CILK1: variants seen among roughly 807,000 people sequenced by gnomAD.
CILK1 encodes ciliogenesis associated kinase 1.
In CILK1, 47 loss-of-function variants were observed where a neutral mutation model predicts 79.2. The observed-to-expected ratio is 0.59, with a 90% confidence interval of 0.47 to 0.76. CILK1 has a LOEUF of 0.76. Ranked by LOEUF, CILK1 falls within the 30% of genes least tolerant of loss-of-function variation. CILK1 has a pLI of 0.00. For missense variants in CILK1, 660 were observed against 769.5 expected (o/e 0.86, Z 1.68); for synonymous variants, 266 against 275.9 (o/e 0.96, Z 0.36).
Position 53,011,758 on chromosome 6 carries a change from A to T in CILK1, c.1492+11T>A. ...TTAATAATCAAAGTAAAGCCAAGTC[A>T]TTTATATTACCAGGCAAGTATCGAG... is the stretch of plus-strand genomic sequence containing the variant. On this transcript the variant is annotated intron_variant, in intron 11 of 13. Transcript: ENST00000676107. 6.2e-7 allele frequency: 1 copy of T among 1,613,142 alleles called. No individual in the cohort carries two copies. Among genetic ancestry groups the T allele is most frequent in the Non-Finnish European group, 8.5e-7 (1 of 1,179,052 alleles).
At chr6:53,014,971 C>T (rs74864918) in intron 8 of CILK1, among the ~76,000 whole-genome samples, 2,279 of 152,300 alleles carry the variant, frequency 0.015, 37 homozygotes, top group East Asian at 0.061. Flanking sequence ...ATTTCACCAC[C>T]AGAACTGCAT....
chr6:53,033,513 T>C (rs757794607), intron 3 of CILK1, among the ~76,000 whole-genome samples: 5 of 143,034 alleles, frequency 3.5e-5, no homozygotes, highest in Non-Finnish European at 6.0e-5. Flanking sequence ...ACAGCAGACA[T>C]ACCTAAAACT....
In CILK1 at chr6:53,053,035, T is replaced by C. The variant is rs1404193420; in HGVS notation, c.-173+8561A>G. Among the ~76,000 whole-genome samples, 4 of 132,010 alleles carry C rather than the reference T, an allele frequency of 3.0e-5. No homozygotes were observed. In the East Asian group the frequency reaches 8.7e-4, roughly 29 times the overall value. 86.6% of individuals were successfully genotyped at this position (132,010 alleles called of 152,430 possible). ...TCTGTTCCTATGCCTATAACAAAAG[T>C]GACAAAGTAAAAGCCTGAAAAAAAA... On this transcript the variant is annotated intron_variant, in intron 1 of 13. Coordinates refer to ENST00000676107, the MANE Select transcript of CILK1 (RefSeq NM_014920.5).
chr6:53,030,986 A>ATT, intron 5 of CILK1, 79 bp downstream of exon 5: 1 of 1,016,894 alleles, frequency 9.8e-7, no homozygotes, highest in Non-Finnish European at 1.6e-6. Flanking sequence ...GCTACAAAAA[A>ATT]TATTAATGTT....
rs1581926218 is a variant in CILK1, at chr6:53,002,893, A to G, written c.*2256T>C. 1 of 152,676 alleles carries G rather than the reference A, an allele frequency of 6.5e-6. No individual in the cohort carries two copies. Among genetic ancestry groups the G allele is most frequent in the African/African-American group, 2.4e-5 (1 of 41,588 alleles). 9.5% of individuals were successfully genotyped at this position (152,676 alleles called of 1,614,324 possible). A position where few individuals can be genotyped will look rare whatever the true frequency, so the allele number is the denominator to read the frequency against. ...AAAATGTAATGACCTTATATAAGCT[A>G]GATTACTGAGACTATGGTATTAAAC... On this transcript the variant is annotated 3_prime_UTR_variant, in exon 14 of 14. Transcript: ENST00000676107.
intron 13 of CILK1, among the ~76,000 whole-genome samples, chr6:53,005,884 C>G (rs1764191065): frequency 6.6e-6 from 1 of 152,198 alleles, no homozygotes; most frequent in South Asian, 2.1e-4. Context: ...CTCCCACACT[C>G]TGGCCTCCTT....
intron 6 of CILK1, 104 bp downstream of exon 6, chr6:53,019,123 C>G: frequency 1.8e-6 from 2 of 1,097,280 alleles, no homozygotes; most frequent in Non-Finnish European, 2.7e-6. Context: ...TGCACTGTTT[C>G]TCTTAGTGAA....
chr6:53,009,437 AC>A lies in CILK1; in HGVS notation c.1621+1del. The A allele has an allele frequency of 6.2e-7, 1 of 1,614,034 alleles. No homozygotes were observed. The highest frequency in any genetic ancestry group is 1.1e-5 in the South Asian group (1 of 91,080). On this transcript the variant is annotated splice_donor_variant, in intron 12 of 13. Coordinates refer to ENST00000676107, the MANE Select transcript of CILK1 (RefSeq NM_014920.5). LOFTEE classifies it high-confidence loss of function. The stretch of plus-strand genomic sequence containing the variant: ...ATTTAGGGGTTAATGATCATTACTC[AC>A]CTGAATTTACTTTGCTGATTACTGA...
chr6:53,017,857 G>C (rs1398090409), intron 7 of CILK1, among the ~76,000 whole-genome samples: 3 of 152,196 alleles, frequency 2.0e-5, no homozygotes, highest in Admixed American at 2.0e-4. Context: ...CTGGGATTAT[G>C]ATCAGACCAC....
intron 2 of CILK1, among the ~76,000 whole-genome samples, 185 bp from the exon 3 acceptor site, chr6:53,038,178 C>G (rs1293860912): frequency 6.6e-6 from 1 of 152,178 alleles, no homozygotes; most frequent in Non-Finnish European, 1.5e-5. Context: ...AATCCTAAGT[C>G]ACAAATTTTG....
chr6:53,007,273 G>A lies in CILK1; in HGVS notation c.1622-836C>T, dbSNP rs148199320. ...TTTTTCAGCAATTGTTTAAGGCAGA[G>A]TGGAAACACAGTCTAGAATGCCTGC... On this transcript the variant is annotated intron_variant, in intron 12 of 13. Coordinates refer to ENST00000676107, the MANE Select transcript of CILK1 (RefSeq NM_014920.5). Among the ~76,000 whole-genome samples the A allele has an allele frequency of 2.0e-4, 31 of 152,356 alleles. No homozygotes were observed. In the East Asian group the frequency reaches 4.6e-3, roughly 23 times the overall value.
intron 1 of CILK1, among the ~76,000 whole-genome samples, chr6:53,049,527 G>A (rs1767333602): frequency 6.6e-6 from 1 of 152,198 alleles, no homozygotes; most frequent in African/African-American, 2.4e-5. Flanking sequence ...CAACTAGCTA[G>A]CTGAAGCTTT....
Position 53,019,236 on chromosome 6 carries a change from G to C in CILK1, c.482C>G (p.Ser161Cys), listed in dbSNP as rs767488882. The C allele has an allele frequency of 2.5e-6, 4 of 1,613,444 alleles. No individual in the cohort carries two copies. The South Asian group carries it at 4.4e-5, about 18-fold the overall frequency. The change falls in exon 6 of 14, where the codon TCT (serine) becomes TGT (cysteine). Residue 161 changes from serine (S) to cysteine (C), a missense_variant. Physicochemically the swap from Ser to Cys is moderately radical, Grantham distance 112 (BLOSUM62 -1). Coordinates refer to ENST00000676107, the MANE Select transcript of CILK1 (RefSeq NM_014920.5). Reference sequence around the variant, plus strand: ...GAAAAATGGTATTCACCATCTGGTAGATACATAATCTGTATATGGAGGTTT... The same window carrying C: ...GAAAAATGGTATTCACCATCTGGTACATACATAATCTGTATATGGAGGTTT... ...RSKPPYTDYV[S>C]TRWYRAPEVL...
intron 1 of CILK1, chr6:53,052,123 A>C (rs982009386): frequency 7.9e-5 from 12 of 151,274 alleles, no homozygotes; most frequent in African/African-American, 2.9e-4. Flanking sequence ...TCATTGTTCA[A>C]CTCCTGCTTA....
chr6:53,056,125 T>G (rs1767848564), intron 1 of CILK1, among the ~76,000 whole-genome samples: 1 of 152,232 alleles, frequency 6.6e-6, no homozygotes, highest in African/African-American at 2.4e-5. Flanking sequence ...ACAATAATAC[T>G]TTACCTTTCT....
chr6:53,055,522 G>GTGAA (rs1341581371), intron 1 of CILK1, among the ~76,000 whole-genome samples: 1 of 152,208 alleles, frequency 6.6e-6, no homozygotes, highest in Non-Finnish European at 1.5e-5. Flanking sequence ...TGACAGAGGA[G>GTGAA]TGAATTAAAG....
intron 1 of CILK1, among the ~76,000 whole-genome samples, chr6:53,044,287 C>T (rs376072241): frequency 3.3e-5 from 5 of 152,094 alleles, no homozygotes; most frequent in African/African-American, 7.2e-5. Flanking sequence ...CACAGAAGCA[C>T]GAACCCTACT....
intron 1 of CILK1, among the ~76,000 whole-genome samples, chr6:53,047,187 T>C (rs1182801330): frequency 1.3e-5 from 2 of 152,216 alleles, no homozygotes; most frequent in African/African-American, 2.4e-5. Context: ...GGTACGAGGC[T>C]AGAGCGTAAA....
intron 1 of CILK1, among the ~76,000 whole-genome samples, chr6:53,043,662 G>GACAGATCCTATCTT (rs1766862811): frequency 6.6e-6 from 1 of 152,076 alleles, no homozygotes; most frequent in Non-Finnish European, 1.5e-5. Flanking sequence ...CCTTCTGTGT[G>GACAGATCCTATCTT]ACAGATCCTA....
Sources: gnomAD v4.1 joint callset for allele counts (sites outside exome capture counted in the v4.1 genomes callset) on GRCh38, gnomAD v4.1.1 for gene constraint, MANE v1.5 for transcripts, NCBI Gene and HGNC (gene_info 2026-07-23, HGNC 2026-07-21) for gene names.